The following TFB1M variants were observed in gnomAD, a reference collection of about 807,000 sequenced individuals.
TFB1M encodes transcription factor B1, mitochondrial.
Under a neutral mutation model 31.1 loss-of-function variants are expected in TFB1M, and 27 were observed. The ratio of observed to expected loss-of-function variants is 0.87; its 90% CI spans 0.64 to 1.20. TFB1M has a LOEUF of 1.20. Ranked by LOEUF, TFB1M falls within the 50% of genes most tolerant of loss-of-function variation. TFB1M has a pLI of 0.00. For synonymous variants in TFB1M, 166 were observed against 151.8 expected, an observed-to-expected ratio of 1.09 and a Z score of -0.69; for missense variants, 394 against 418.7, an observed-to-expected ratio of 0.94 and a Z score of 0.51.
In TFB1M at chr6:155,275,644, G is replaced by A; in HGVS notation, c.666+9514C>T. 2.8e-6 allele frequency: 4 copies of A among 1,420,970 alleles called. No individual in the cohort carries two copies. In the South Asian group the frequency reaches 4.0e-5, roughly 14 times the overall value. 88.0% of individuals were successfully genotyped at this position (1,420,970 alleles called of 1,614,324 possible). A position where few individuals can be genotyped will look rare whatever the true frequency, so the allele number is the denominator to read the frequency against. ...TTGTTATTTGGTTCTCTACTGCACA[G>A]AAATAGATAGAATTCTGACAGCCAT... On this transcript the variant is annotated intron_variant, in intron 5 of 6. Transcript: ENST00000367166.
At chr6:155,306,621 A>C (rs1168588417) in intron 2 of TFB1M, among the ~76,000 whole-genome samples, 2 of 151,482 alleles carry the variant, frequency 1.3e-5, no homozygotes, top group Admixed American at 6.6e-5. Context: ...ATACCAGACC[A>C]AAAAAAAAGT....
chr6:155,277,186 A>G (rs1785266396), intron 5 of TFB1M, among the ~76,000 whole-genome samples: 1 of 152,236 alleles, frequency 6.6e-6, no homozygotes, highest in Non-Finnish European at 1.5e-5. Flanking sequence ...ATCCTATCAC[A>G]TTCTGGATTT....
chr6:155,285,346 A>G, intron 4 of TFB1M, 69 bp from the exon 5 acceptor site: 1 of 1,591,474 alleles, frequency 6.3e-7, no homozygotes, highest in African/African-American at 1.3e-5. Context: ...AAGAGTCAAC[A>G]TTCCATTATT....
At chr6:155,271,493 G>A (rs1784912512) in intron 5 of TFB1M, among the ~76,000 whole-genome samples, 1 of 152,166 alleles carries the variant, frequency 6.6e-6, no homozygotes, top group South Asian at 2.1e-4. Context: ...TGTAGGTTTA[G>A]TGATCAGATT....
chr6:155,314,169 G>A lies in TFB1M; in HGVS notation c.133+127C>T, dbSNP rs977903684. 8 of 1,543,662 alleles carry A rather than the reference G, an allele frequency of 5.2e-6. No homozygotes were observed. In the Admixed American group the frequency reaches 5.9e-5, roughly 11 times the overall value. On this transcript the variant is annotated intron_variant, in intron 1 of 6. Transcript: ENST00000367166. The stretch of plus-strand genomic sequence containing the variant: ...GGAGTTCTGATACAAAGAGGTCGAA[G>A]GACCTGACCAAAAGCCCGTCGCACG...
chr6:155,248,235 C>T, the TFB1M span: 3 of 1,552,524 alleles, frequency 1.9e-6, no homozygotes, highest in Non-Finnish European at 1.7e-6. Context: ...CGAGGGGCTG[C>T]CAGCCGTGCC....
At chr6:155,260,488 T>G in intron 5 of TFB1M, 88 bp from the exon 6 acceptor site, 16 of 1,549,766 alleles carry the variant, frequency 1.0e-5, no homozygotes, top group African/African-American at 2.7e-5. Context: ...AACAGGAGGA[T>G]GGGCTGTCAA....
At chr6:155,291,900 G>A (rs183947345) in intron 4 of TFB1M, among the ~76,000 whole-genome samples, 16 of 152,290 alleles carry the variant, frequency 1.1e-4, no homozygotes, top group African/African-American at 3.6e-4. Flanking sequence ...TGAGAGGAAG[G>A]CATTTAAAGA....
chr6:155,290,247 G>A (rs910547683), intron 4 of TFB1M, among the ~76,000 whole-genome samples: 11 of 151,906 alleles, frequency 7.2e-5, no homozygotes, highest in East Asian at 1.9e-4. Context: ...TTAGCCAGGC[G>A]TGGTGGTGGG....
At chr6:155,283,705 G>A (rs1380373938) in intron 5 of TFB1M, among the ~76,000 whole-genome samples, 2 of 152,172 alleles carry the variant, frequency 1.3e-5, no homozygotes, top group African/African-American at 4.8e-5. Context: ...GGAGATTCTG[G>A]ATAATGGTCA....
chr6:155,304,114 C>G (rs1056818969), intron 2 of TFB1M, among the ~76,000 whole-genome samples: 1 of 152,000 alleles, frequency 6.6e-6, no homozygotes, highest in Admixed American at 6.6e-5. Context: ...AACCCAGTCT[C>G]TATTAAAAAT....
intron 1 of TFB1M, 77 bp downstream of exon 1, chr6:155,314,219 G>C: frequency 6.3e-7 from 1 of 1,586,314 alleles, no homozygotes; most frequent in Non-Finnish European, 8.6e-7. Context: ...CCCGCCCGCG[G>C]GGACGTGCAA....
At chr6:155,291,824 G>C (rs1776940141) in intron 4 of TFB1M, among the ~76,000 whole-genome samples, 1 of 152,090 alleles carries the variant, frequency 6.6e-6, no homozygotes, top group Non-Finnish European at 1.5e-5. Context: ...CCCCTAAACA[G>C]AAACAAGGGT....
chr6:155,252,039 T>G (rs762672755), downstream of TFB1M: 12 of 1,519,054 alleles, frequency 7.9e-6, no homozygotes, highest in African/African-American at 1.4e-4. Flanking sequence ...AAGCTACCTT[T>G]TCATAGCTGT....
the TFB1M span, among the ~76,000 whole-genome samples, chr6:155,245,355 GTA>G: frequency 4.6e-5 from 7 of 152,336 alleles, no homozygotes; most frequent in East Asian, 1.3e-3. Context: ...CTTGTCAGCT[GTA>G]TTTTTGTAGA....
At chr6:155,251,435 C>T (rs1442956300), downstream of TFB1M, among the ~76,000 whole-genome samples, 1 of 151,950 alleles carries the variant, frequency 6.6e-6, no homozygotes, top group African/African-American at 2.4e-5. Flanking sequence ...TACAGGTGCT[C>T]GCCACCACGC....
At position 155,257,345 on chromosome 6, in the gene TFB1M, C is replaced by G; in HGVS notation, c.*491G>C. 1.9e-6 allele frequency: 1 copy of G among 537,478 alleles called. No individual in the cohort carries two copies. Among genetic ancestry groups the G allele is most frequent in the South Asian group, 2.2e-5 (1 of 44,920 alleles). 33.3% of individuals were successfully genotyped at this position (537,478 alleles called of 1,614,324 possible). On this transcript the variant is annotated 3_prime_UTR_variant, in exon 7 of 7. Coordinates refer to ENST00000367166, the MANE Select transcript of TFB1M (RefSeq NM_016020.4). ...AATCTGTAAATTACTTAGTTTATATCCACTTTGAGCAGGTATCAAATGATT... is the reference window on the plus strand; with the variant it reads ...AATCTGTAAATTACTTAGTTTATATGCACTTTGAGCAGGTATCAAATGATT...
chr6:155,247,915 A>C, the TFB1M span: 3 of 1,461,632 alleles, frequency 2.1e-6, no homozygotes, highest in South Asian at 4.0e-5. Context: ...ATAGAAATAG[A>C]TGATCTATAA....
At chr6:155,251,715 T>A (rs1783665631), downstream of TFB1M, among the ~76,000 whole-genome samples, 3 of 152,198 alleles carry the variant, frequency 2.0e-5, no homozygotes, top group South Asian at 4.1e-4. Flanking sequence ...ACAAAGAGTT[T>A]AAAAAAGCCA....
Sources: gnomAD v4.1 joint callset for allele counts (sites outside exome capture counted in the v4.1 genomes callset) on GRCh38, gnomAD v4.1.1 for gene constraint, MANE v1.5 for transcripts, NCBI Gene and HGNC (gene_info 2026-07-23, HGNC 2026-07-21) for gene names.